The following GPLD1 variants were observed in gnomAD, a reference collection of about 807,000 sequenced individuals.
GPLD1 encodes glycosylphosphatidylinositol specific phospholipase D1, also known as phosphatidylinositol-glycan-specific phospholipase D.
GPLD1 carries 84 observed loss-of-function variants against 112.6 expected under a neutral mutation model. The ratio of observed to expected loss-of-function variants is 0.75; its 90% CI spans 0.63 to 0.89. GPLD1 has a LOEUF of 0.89. Among genes scored for constraint, GPLD1 ranks in the 40% least tolerant of loss-of-function variants. The pLI, the probability that GPLD1 is intolerant of heterozygous loss-of-function variation, is 0.00. For synonymous variants in GPLD1, 386 were observed against 403.8 expected, an observed-to-expected ratio of 0.96 and a Z score of 0.53; for missense variants, 1,044 against 1,051.5, an observed-to-expected ratio of 0.99 and a Z score of 0.10.
chr6:24,452,870 C>T (rs1763136539), intron 14 of GPLD1, among the ~76,000 whole-genome samples: 2 of 151,892 alleles, frequency 1.3e-5, no homozygotes, highest in Non-Finnish European at 2.9e-5. Context: ...TTGCCTGGAA[C>T]AAGAACCACG....
chr6:24,457,043 G>C (rs1479233751), intron 12 of GPLD1, among the ~76,000 whole-genome samples: 1 of 152,094 alleles, frequency 6.6e-6, no homozygotes, highest in African/African-American at 2.4e-5. Context: ...GCTAATTTTT[G>C]TATTTTAGTA....
At chr6:24,432,486 A>C (rs1212336624) in intron 24 of GPLD1, among the ~76,000 whole-genome samples, 1 of 152,140 alleles carries the variant, frequency 6.6e-6, no homozygotes, top group Non-Finnish European at 1.5e-5. Context: ...CTGTAATCCC[A>C]GCTACTTGGG....
rs1332413074 is a variant in GPLD1 at position 24,465,218 on chromosome 6, A to G, written c.821+1462T>C. On this transcript the variant is annotated intron_variant, in intron 10 of 24. Transcript: ENST00000230036. ...TCTCAAAAAAAAAAAAAAAAAGAAA[A>G]GAAAAGAAAAGAAAAGAAAAAAAAA... is the stretch of plus-strand genomic sequence containing the variant. Among the ~76,000 whole-genome samples, 3 of 145,138 alleles carry G rather than the reference A, an allele frequency of 2.1e-5. No homozygotes were observed. The Admixed American group carries it at 2.1e-4, about 10-fold the overall frequency.
chr6:24,436,183 G>A (rs1762573538), intron 22 of GPLD1, among the ~76,000 whole-genome samples: 1 of 152,116 alleles, frequency 6.6e-6, no homozygotes, highest in South Asian at 2.1e-4. Flanking sequence ...CTGAGCCCAG[G>A]AGTTTGAGGC....
intron 14 of GPLD1, among the ~76,000 whole-genome samples, chr6:24,453,699 C>CGTGTGTGTGTGTGTGTGT (rs59607870): frequency 6.6e-6 from 1 of 150,404 alleles, no homozygotes; most frequent in Non-Finnish European, 1.5e-5. Flanking sequence ...ACATACATTT[C>CGTGTGTGTGTGTGTGTGT]GTGTGTGTGT....
intron 7 of GPLD1, among the ~76,000 whole-genome samples, chr6:24,468,470 C>T (rs771529762): frequency 2.0e-5 from 3 of 152,182 alleles, no homozygotes; most frequent in Admixed American, 6.5e-5. Flanking sequence ...TGTCTCATAG[C>T]TACCTATGAC....
upstream of GPLD1, among the ~76,000 whole-genome samples, chr6:24,492,732 C>T (rs1259681287): frequency 6.6e-6 from 1 of 151,890 alleles, no homozygotes; most frequent in Non-Finnish European, 1.5e-5. Flanking sequence ...GGAAGTAAGA[C>T]AGGAGCCAGG....
intron 7 of GPLD1, among the ~76,000 whole-genome samples, chr6:24,471,697 T>C (rs1410372503): frequency 6.6e-6 from 1 of 152,158 alleles, no homozygotes; most frequent in Non-Finnish European, 1.5e-5. Flanking sequence ...AGAATAACCA[T>C]TTGCCCTCAA....
rs1437717576 is a variant in GPLD1, at chr6:24,427,096, T to C, written c.*1936A>G. Among the ~76,000 whole-genome samples, 4 of 152,206 alleles carry C rather than the reference T, an allele frequency of 2.6e-5. No individual in the cohort carries two copies. The highest frequency in any genetic ancestry group is 4.4e-5 in the Non-Finnish European group (3 of 68,040). On this transcript the variant is annotated 3_prime_UTR_variant, in exon 25 of 25. Transcript: ENST00000230036. Reference sequence around the variant, plus strand: ...ATTTTCTCCTGCTTTTAGTATCATCTCACCCGTGGCAGAAGAAAGAGGTTC... The same window carrying C: ...ATTTTCTCCTGCTTTTAGTATCATCCCACCCGTGGCAGAAGAAAGAGGTTC...
At chr6:24,432,005 TGGG>T (rs911129213) in intron 24 of GPLD1, among the ~76,000 whole-genome samples, 2 of 151,444 alleles carry the variant, frequency 1.3e-5, no homozygotes, top group African/African-American at 2.4e-5. Flanking sequence ...CCAAAAAAAA[TGGG>T]GGGCCAAGGT....
At chr6:24,446,627 C>T (rs1231995992) in intron 18 of GPLD1, among the ~76,000 whole-genome samples, 1 of 152,196 alleles carries the variant, frequency 6.6e-6, no homozygotes, top group African/African-American at 2.4e-5. Context: ...GGACGTCTAG[C>T]TTCCAGAACT....
At chr6:24,462,821 C>A (rs1300448407) in intron 10 of GPLD1, 26 bp from the exon 11 acceptor site, 12 of 1,516,286 alleles carry the variant, frequency 7.9e-6, no homozygotes, top group Non-Finnish European at 1.1e-5. Context: ...AATGAGTTAG[C>A]CATTTATCTA....
intron 1 of GPLD1, among the ~76,000 whole-genome samples, chr6:24,488,195 C>T (rs1480658122): frequency 6.6e-6 from 1 of 152,076 alleles, no homozygotes; most frequent in East Asian, 1.9e-4. Flanking sequence ...ATCGCAAGGT[C>T]AGGAGATCGA....
Position 24,475,715 on chromosome 6 carries a change from G to A in GPLD1, c.330+466C>T, listed in dbSNP as rs1045901144. On this transcript the variant is annotated intron_variant, in intron 4 of 24. Transcript: ENST00000230036. Reference sequence around the variant, plus strand: ...AAAAAAAAAAAAAAAAAAATTAGCCGGGCGTGGTGGCGGGCGCCTGTAGTC... The same window carrying A: ...AAAAAAAAAAAAAAAAAAATTAGCCAGGCGTGGTGGCGGGCGCCTGTAGTC... Among the ~76,000 whole-genome samples, 6 of 149,952 alleles carry A rather than the reference G, an allele frequency of 4.0e-5. No homozygotes were observed. The South Asian group carries it at 6.3e-4, about 16-fold the overall frequency.
intron 13 of GPLD1, among the ~76,000 whole-genome samples, chr6:24,456,116 G>A (rs570638852): frequency 1.3e-5 from 2 of 152,210 alleles, no homozygotes; most frequent in East Asian, 3.9e-4. Flanking sequence ...CAGTTGCAGA[G>A]GGCTGGGCAC....
chr6:24,437,428 G>C, intron 20 of GPLD1, 139 bp from the exon 21 acceptor site: 1 of 714,758 alleles, frequency 1.4e-6, no homozygotes, highest in Non-Finnish European at 2.3e-6. Flanking sequence ...ATCTCCGGCA[G>C]TCAGGGAGGT....
intron 15 of GPLD1, among the ~76,000 whole-genome samples, chr6:24,448,464 C>T (rs1453526073): frequency 6.6e-6 from 1 of 151,946 alleles, no homozygotes; most frequent in Non-Finnish European, 1.5e-5. Flanking sequence ...TATCACCACC[C>T]CCAATGATTG....
intron 24 of GPLD1, among the ~76,000 whole-genome samples, chr6:24,431,109 A>G (rs919425510): frequency 6.6e-6 from 1 of 152,200 alleles, no homozygotes; most frequent in African/African-American, 2.4e-5. Flanking sequence ...ATCTTCCCAT[A>G]AAGTTAATAA....
upstream of GPLD1, among the ~76,000 whole-genome samples, chr6:24,493,485 CAAAACAAACAA>C (rs1764608659): frequency 3.3e-5 from 5 of 152,002 alleles, no homozygotes; most frequent in South Asian, 1.0e-3. Flanking sequence ...CTCACAAGAA[CAAAACAAACAA>C]AAAACAAAAA....
Sources: allele counts gnomAD v4.1 joint callset (sites outside exome capture counted in the v4.1 genomes callset), GRCh38; gene constraint gnomAD v4.1.1; transcripts MANE v1.5; gene names NCBI Gene and HGNC (gene_info 2026-07-23, HGNC 2026-07-21).